SGCD: variants seen among roughly 807,000 people sequenced by gnomAD.
The protein encoded by SGCD is sarcoglycan delta.
A neutral mutation model predicts 36.6 loss-of-function variants in SGCD; 18 were observed. That is an observed-to-expected ratio of 0.49 (90% CI 0.34 to 0.73). The LOEUF (loss-of-function observed/expected upper bound fraction) is 0.73. Ranked by LOEUF, SGCD falls within the 30% of genes least tolerant of loss-of-function variation. The probability of loss-of-function intolerance (pLI) is 0.01; values close to 1 mark genes in which losing one functional copy is unlikely to be tolerated. For missense variants in SGCD, 387 were observed against 346.7 expected (o/e 1.12, Z -0.92); for synonymous variants, 133 against 130.6 (o/e 1.02, Z -0.12).
intron 3 of SGCD, among the ~76,000 whole-genome samples, chr5:156,283,760 C>A (rs1363306578): frequency 6.6e-6 from 1 of 152,120 alleles, no homozygotes; most frequent in African/African-American, 2.4e-5. Flanking sequence ...GGGTTATGCC[C>A]AAGAATTTTT....
At chr5:156,100,784 A>G (rs1198631667) in intron 1 of SGCD, among the ~76,000 whole-genome samples, 2 of 152,190 alleles carry the variant, frequency 1.3e-5, no homozygotes, top group African/African-American at 4.8e-5. Flanking sequence ...ATTTTATTTG[A>G]ATACCTTTGA....
intron 3 of SGCD, among the ~76,000 whole-genome samples, chr5:156,238,782 T>C (rs1164306983): frequency 6.6e-6 from 1 of 152,166 alleles, no homozygotes; most frequent in East Asian, 1.9e-4. Flanking sequence ...GTGGTTTGAC[T>C]GTGCATGTGT....
intron 3 of SGCD, among the ~76,000 whole-genome samples, chr5:156,476,998 G>A (rs1287592399): frequency 6.9e-6 from 1 of 144,480 alleles, no homozygotes; most frequent in Non-Finnish European, 1.5e-5. Flanking sequence ...TGAACTGCAA[G>A]CAACAGCAAT....
chr5:156,266,539 G>A (rs1197403962), intron 3 of SGCD, among the ~76,000 whole-genome samples: 1 of 152,174 alleles, frequency 6.6e-6, no homozygotes. Context: ...GCTGGGTGAA[G>A]TAGCCTGATC....
chr5:156,267,501 G>A (rs1766031894), intron 3 of SGCD, among the ~76,000 whole-genome samples: 1 of 152,180 alleles, frequency 6.6e-6, no homozygotes, highest in Non-Finnish European at 1.5e-5. Context: ...CCGGATCCAA[G>A]GCTTTCTAGC....
intron 3 of SGCD, among the ~76,000 whole-genome samples, chr5:156,236,201 A>G (rs1765159670): frequency 6.6e-6 from 1 of 152,076 alleles, no homozygotes. Context: ...TTTTTTTCTC[A>G]GATGTTCTAT....
chr5:155,739,295 T>C, the SGCD span, among the ~76,000 whole-genome samples: 3 of 152,176 alleles, frequency 2.0e-5, no homozygotes. Flanking sequence ...CTAAAAGATC[T>C]TTCCATGCAG....
intron 4 of SGCD, among the ~76,000 whole-genome samples, chr5:156,569,859 T>C (rs1759647044): frequency 6.6e-6 from 1 of 152,116 alleles, no homozygotes; most frequent in Non-Finnish European, 1.5e-5. Context: ...CCAATCCTGC[T>C]GGAGTAGTAA....
intron 2 of SGCD, among the ~76,000 whole-genome samples, chr5:156,122,769 T>A (rs1413582157): frequency 7.1e-6 from 1 of 140,904 alleles, no homozygotes; most frequent in African/African-American, 2.7e-5. Context: ...CCAGCCCTAG[T>A]CTGAGAGAGC....
intron 2 of SGCD, among the ~76,000 whole-genome samples, chr5:156,332,863 T>C (rs1160177850): frequency 6.6e-6 from 1 of 152,202 alleles, no homozygotes; most frequent in Non-Finnish European, 1.5e-5. Flanking sequence ...CCCTCTCCTG[T>C]TTGAATATTG....
intron 3 of SGCD, among the ~76,000 whole-genome samples, chr5:156,253,141 CAG>C (rs1181020439): frequency 3.3e-5 from 5 of 152,058 alleles, no homozygotes; most frequent in African/African-American, 7.2e-5. Context: ...GAACTAATGT[CAG>C]AGAGTAGAGG....
chr5:155,842,577 A>G, the SGCD span, among the ~76,000 whole-genome samples: 4 of 146,702 alleles, frequency 2.7e-5, no homozygotes, highest in East Asian at 4.0e-4. Context: ...ATCTCAACGG[A>G]AAAAAAAAAA....
At chr5:156,434,308 T>A (rs10065253) in intron 3 of SGCD, among the ~76,000 whole-genome samples, 3,441 of 152,276 alleles carry the variant, frequency 0.023, 140 homozygotes, top group African/African-American at 0.078. Context: ...AGATACACTT[T>A]TCTGAACAGA....
chr5:156,131,539 T>A (rs559736507), intron 3 of SGCD, among the ~76,000 whole-genome samples: 1 of 152,372 alleles, frequency 6.6e-6, no homozygotes, highest in South Asian at 2.1e-4. Context: ...TAATCTAATT[T>A]CCTGTTGTAT....
intron 1 of SGCD, among the ~76,000 whole-genome samples, chr5:155,939,864 C>T (rs564973526): frequency 2.0e-5 from 3 of 148,068 alleles, no homozygotes; most frequent in East Asian, 2.0e-4. Flanking sequence ...GACGGAGTCT[C>T]GCTCTGTCAC....
chr5:156,077,912 A>G (rs149645783), intron 1 of SGCD, among the ~76,000 whole-genome samples: 24 of 152,306 alleles, frequency 1.6e-4, no homozygotes, highest in African/African-American at 5.8e-4. Flanking sequence ...TTTAGGCTTT[A>G]GAGAAGAGCA....
At chr5:156,006,767 C>T (rs184446019) in intron 1 of SGCD, among the ~76,000 whole-genome samples, 1 of 152,246 alleles carries the variant, frequency 6.6e-6, no homozygotes, top group East Asian at 1.9e-4. Context: ...ATAGGGTTGT[C>T]ATTAAATACT....
chr5:156,304,859 CTT>C (rs1767161591), intron 3 of SGCD, among the ~76,000 whole-genome samples: 1 of 152,136 alleles, frequency 6.6e-6, no homozygotes, highest in East Asian at 1.9e-4. Flanking sequence ...AAAGATGACT[CTT>C]GTTATGTTTT....
At chr5:156,326,017 A>C (rs933108660), upstream of SGCD, among the ~76,000 whole-genome samples, 1 of 152,228 alleles carries the variant, frequency 6.6e-6, no homozygotes, top group Non-Finnish European at 1.5e-5. Context: ...ATAAGTTGCC[A>C]ATGGGGTGTG....
Sources: gnomAD v4.1 joint callset for allele counts (sites outside exome capture counted in the v4.1 genomes callset) on GRCh38, gnomAD v4.1.1 for gene constraint, MANE v1.5 for transcripts, NCBI Gene and HGNC (gene_info 2026-07-23, HGNC 2026-07-21) for gene names.